The following SIRPD variants were observed in gnomAD, a reference collection of about 807,000 sequenced individuals.
The protein encoded by SIRPD is signal-regulatory protein delta.
In SIRPD, 21 loss-of-function variants were observed where a neutral mutation model predicts 18.0. The ratio of observed to expected loss-of-function variants is 1.17; its 90% CI spans 0.83 to 1.68. SIRPD has a LOEUF of 1.68. SIRPD is among the 40% of genes most tolerant of loss of function. SIRPD has a pLI of 0.00. For missense variants in SIRPD, 295 were observed against 238.4 expected, an observed-to-expected ratio of 1.24 and a Z score of -1.56; for synonymous variants, 106 against 92.9, an observed-to-expected ratio of 1.14 and a Z score of -0.81.
intron 1 of SIRPD, among the ~76,000 whole-genome samples, chr20:1,557,151 T>C (rs112575107): frequency 6.6e-6 from 1 of 151,798 alleles, no homozygotes; most frequent in South Asian, 2.1e-4. Flanking sequence ...TACTTGGGAG[T>C]TGGAGGCACG....
chr20:1,537,111 G>T, intron 3 of SIRPD, 44 bp downstream of exon 3: 1 of 1,596,302 alleles, frequency 6.3e-7, no homozygotes, highest in Non-Finnish European at 8.6e-7. Flanking sequence ...CCAAACTCAG[G>T]AGAGCATCCC....
At chr20:1,546,268 C>CTA (rs1235102104) in intron 2 of SIRPD, among the ~76,000 whole-genome samples, 1 of 152,230 alleles carries the variant, frequency 6.6e-6, no homozygotes, top group African/African-American at 2.4e-5. Context: ...GGAGTTTTAT[C>CTA]TATAAGCCCC....
intron 2 of SIRPD, among the ~76,000 whole-genome samples, chr20:1,538,334 A>C (rs1014919463): frequency 2.6e-5 from 4 of 152,216 alleles, no homozygotes; most frequent in African/African-American, 9.6e-5. Flanking sequence ...CTAGCTTGTT[A>C]AACATTTTTT....
intron 2 of SIRPD, among the ~76,000 whole-genome samples, chr20:1,543,230 G>C (rs2090979775): frequency 6.6e-6 from 1 of 152,140 alleles, no homozygotes; most frequent in Non-Finnish European, 1.5e-5. Context: ...TTGTACCTCT[G>C]GTAGAATTCG....
Position 1,540,481 on chromosome 20 carries a change from A to G in SIRPD, c.422-3171T>C, listed in dbSNP as rs191443478. 8.6e-6 allele frequency: 3 copies of G among 348,756 alleles called. No homozygotes were observed. In the East Asian group the frequency reaches 2.5e-4, roughly 29 times the overall value. The allele number at this position is 348,756 out of a possible 1,614,324, so 21.6% of individuals were successfully genotyped here. A position where few individuals can be genotyped will look rare whatever the true frequency, so the allele number is the denominator to read the frequency against. ...CACAGTCATTTTGAACATTTTTATC[A>G]TCTCAAAAAAGACTCCATGCCTTTC... is the stretch of plus-strand genomic sequence containing the variant. On this transcript the variant is annotated intron_variant, in intron 2 of 3. Coordinates refer to ENST00000381623, the MANE Select transcript of SIRPD (RefSeq NM_178460.3).
intron 2 of SIRPD, among the ~76,000 whole-genome samples, chr20:1,541,793 T>A (rs2090972520): frequency 6.6e-6 from 1 of 152,366 alleles, no homozygotes; most frequent in East Asian, 1.9e-4. Context: ...ACATCTTTAA[T>A]TCATATTGAG....
At position 1,551,985 on chromosome 20, in the gene SIRPD, T is replaced by C. The variant is rs752563584; in HGVS notation, c.127A>G (p.Thr43Ala). 1 of 1,614,112 alleles carries C rather than the reference T, an allele frequency of 6.2e-7. No homozygotes were observed. Among genetic ancestry groups the C allele is most frequent in the East Asian group, 2.2e-5 (1 of 44,884 alleles). ...CAACTCAAGATGATTGACTCCCCAG[T>C]TGATACAGTCTGTGACATCTCCGTT... ...QQTEMSQTVS[T>A]GESIILSCSV... The change falls in exon 2 of 4, where the codon ACT (threonine) becomes GCT (alanine). Residue 43 changes from threonine to alanine, a missense_variant. Thr to Ala is a moderately conservative substitution (Grantham distance 58, BLOSUM62 0). Coordinates refer to ENST00000381623, the MANE Select transcript of SIRPD (RefSeq NM_178460.3).
intron 2 of SIRPD, among the ~76,000 whole-genome samples, chr20:1,550,666 T>G (rs2091014836): frequency 6.6e-6 from 1 of 152,194 alleles, no homozygotes; most frequent in Admixed American, 6.5e-5. Flanking sequence ...TTTGATCTTC[T>G]TTCTTGTAAG....
intron 2 of SIRPD, among the ~76,000 whole-genome samples, chr20:1,547,828 G>A (rs1600069341): frequency 6.6e-6 from 1 of 152,064 alleles, no homozygotes; most frequent in Non-Finnish European, 1.5e-5. Context: ...ACATTTTTTT[G>A]TAGTTTTCAG....
At chr20:1,536,711 C>T (rs1164862914) in intron 3 of SIRPD, among the ~76,000 whole-genome samples, 1 of 152,168 alleles carries the variant, frequency 6.6e-6, no homozygotes, top group East Asian at 1.9e-4. Context: ...ATCTATTAAT[C>T]ACCTATGCAT....
chr20:1,539,488 T>C (rs1306596688), intron 2 of SIRPD, among the ~76,000 whole-genome samples: 1 of 152,220 alleles, frequency 6.6e-6, no homozygotes, highest in Non-Finnish European at 1.5e-5. Context: ...ATCAAATTTG[T>C]TAATCACCTT....
rs144846012 is a variant in SIRPD at position 1,542,958 on chromosome 20, CCTTGCATCCCAGGGATGAAGCTGA to C, written c.422-5672_422-5649del. 9.1e-3 allele frequency among the ~76,000 whole-genome samples: 1,389 copies of C among 152,256 alleles called. 22 individuals carry two copies. Among genetic ancestry groups the C allele is most frequent in the African/African-American group, 0.033 (1,355 of 41,534 alleles). ...TATTGATTTCCATATGTTGAACCAG[CCTTGCATCCCAGGGATGAAGCTGA>C]CTTGATCATGGTGGATAAGATTTTT... On this transcript the variant is annotated intron_variant, in intron 2 of 3. Transcript: ENST00000381623.
intron 2 of SIRPD, among the ~76,000 whole-genome samples, chr20:1,539,445 G>A (rs1000918629): frequency 3.3e-5 from 5 of 152,208 alleles, no homozygotes; most frequent in African/African-American, 1.2e-4. Context: ...AAGGAGCTGT[G>A]TTTTTCAGTT....
Position 1,551,651 on chromosome 20 carries a change from T to A in SIRPD, c.421+40A>T, listed in dbSNP as rs755171512. ...AGAAGACATAACTGCTGAGATGATATTATACACCAGGGGGTATGGGGTATA... is the reference window on the plus strand; with the variant it reads ...AGAAGACATAACTGCTGAGATGATAATATACACCAGGGGGTATGGGGTATA... On this transcript the variant is annotated intron_variant, in intron 2 of 3. Transcript: ENST00000381623. 24 of 1,461,826 alleles carry A rather than the reference T, an allele frequency of 1.6e-5. No homozygotes were observed. In the Middle Eastern group the frequency reaches 5.4e-4, roughly 33 times the overall value. The allele number at this position is 1,461,826 out of a possible 1,614,324, so 90.6% of individuals were successfully genotyped here.
At chr20:1,538,030 C>G (rs1009506889) in intron 2 of SIRPD, among the ~76,000 whole-genome samples, 4 of 152,166 alleles carry the variant, frequency 2.6e-5, no homozygotes, top group Non-Finnish European at 5.9e-5. Context: ...TGTAGAAACA[C>G]TCACACCAAG....
At position 1,551,969 on chromosome 20, in the gene SIRPD, A is replaced by T; in HGVS notation, c.143T>A (p.Ile48Asn). The change falls in exon 2 of 4, where the codon ATC becomes AAC. Residue 48 changes from isoleucine to asparagine, a missense_variant. By Grantham distance (149) the Ile-to-Asn change is moderately radical. Coordinates refer to ENST00000381623, the MANE Select transcript of SIRPD (RefSeq NM_178460.3). ...GGTATTGGGTACGCTGCAACTCAAGATGATTGACTCCCCAGTTGATACAGT... is the reference window on the plus strand; with the variant it reads ...GGTATTGGGTACGCTGCAACTCAAGTTGATTGACTCCCCAGTTGATACAGT... ...SQTVSTGESI[I>N]LSCSVPNTLP... 1 of 1,614,066 alleles carries T rather than the reference A, an allele frequency of 6.2e-7. No homozygotes were observed. The highest frequency in any genetic ancestry group is 8.5e-7 in the Non-Finnish European group (1 of 1,179,976).
chr20:1,534,825 C>T (rs969604735), intron 3 of SIRPD, among the ~76,000 whole-genome samples: 4 of 152,192 alleles, frequency 2.6e-5, no homozygotes, highest in African/African-American at 7.2e-5. Flanking sequence ...GAGACACTCA[C>T]GTTTCATTGG....
At chr20:1,550,612 G>A (rs1261924753) in intron 2 of SIRPD, among the ~76,000 whole-genome samples, 1 of 152,134 alleles carries the variant, frequency 6.6e-6, no homozygotes, top group African/African-American at 2.4e-5. Flanking sequence ...ATCCTCTGCA[G>A]GTACAGAATC....
At chr20:1,540,152 C>T in intron 2 of SIRPD, 1 of 356,148 alleles carries the variant, frequency 2.8e-6, no homozygotes, top group South Asian at 2.1e-5. Context: ...GATTTAAAGA[C>T]ACTGGCCTTG....
Sources: allele counts gnomAD v4.1 joint callset (sites outside exome capture counted in the v4.1 genomes callset), GRCh38; gene constraint gnomAD v4.1.1; transcripts MANE v1.5; gene names NCBI Gene and HGNC (gene_info 2026-07-23, HGNC 2026-07-21).